Variants in WLS observed in about 807,000 individuals in gnomAD.
The protein encoded by WLS is protein wntless homolog.
WLS carries 23 observed loss-of-function variants against 62.8 expected under a neutral mutation model. The ratio of observed to expected loss-of-function variants is 0.37; its 90% CI spans 0.26 to 0.52. The LOEUF (loss-of-function observed/expected upper bound fraction) is 0.52, where lower values mean the gene tolerates loss of function less well. Among genes scored for constraint, WLS ranks in the 20% least tolerant of loss-of-function variants. WLS has a pLI of 0.92. For missense variants in WLS, 615 were observed against 697.3 expected (o/e 0.88, Z 1.33); for synonymous variants, 246 against 244.1 (o/e 1.01, Z -0.07).
intron 1 of WLS, among the ~76,000 whole-genome samples, chr1:68,206,295 T>A (rs1249528639): frequency 1.3e-5 from 2 of 152,224 alleles, no homozygotes; most frequent in Non-Finnish European, 2.9e-5. Flanking sequence ...AATATGTGAA[T>A]GACTAAATGT....
intron 2 of WLS, among the ~76,000 whole-genome samples, chr1:68,185,498 T>G (rs1396681555): frequency 6.6e-6 from 1 of 152,120 alleles, no homozygotes; most frequent in African/African-American, 2.4e-5. Context: ...TGAGCAAGTA[T>G]TATAGCCTGA....
At chr1:68,159,100 G>T (rs1337544652) in intron 3 of WLS, 23 bp downstream of exon 3, 1 of 1,612,288 alleles carries the variant, frequency 6.2e-7, no homozygotes, top group Non-Finnish European at 8.5e-7. Flanking sequence ...AAAACTGTCA[G>T]CTTAGACAGC....
chr1:68,109,612 G>GT (rs1557445328), intron 11 of WLS, among the ~76,000 whole-genome samples: 2 of 152,162 alleles, frequency 1.3e-5, no homozygotes, highest in Non-Finnish European at 2.9e-5. Flanking sequence ...AATGAAAAAT[G>GT]TTATTAAAAC....
intron 1 of WLS, among the ~76,000 whole-genome samples, chr1:68,214,047 A>G (rs1649630721): frequency 6.6e-6 from 1 of 152,232 alleles, no homozygotes; most frequent in Non-Finnish European, 1.5e-5. Flanking sequence ...GTTGCCATCC[A>G]TTTCACACAG....
chr1:68,145,559 G>T (rs537736270), intron 9 of WLS, among the ~76,000 whole-genome samples: 2 of 152,036 alleles, frequency 1.3e-5, no homozygotes, highest in African/African-American at 4.8e-5. Context: ...TCCCAATTAT[G>T]CCATAGTCCA....
downstream of WLS, among the ~76,000 whole-genome samples, chr1:68,121,611 G>A (rs1646364645): frequency 1.3e-5 from 2 of 152,280 alleles, no homozygotes; most frequent in South Asian, 2.1e-4. Context: ...GAAGTCAGAT[G>A]GTTCCCGGAG....
intron 2 of WLS, among the ~76,000 whole-genome samples, chr1:68,174,975 G>A (rs1294522311): frequency 6.6e-6 from 1 of 152,100 alleles, no homozygotes; most frequent in South Asian, 2.1e-4. Flanking sequence ...TATATGGAGG[G>A]ACAACTGGGA....
chr1:68,126,327 C>G lies in WLS; in HGVS notation c.1525G>C (p.Gly509Arg). 1 of 1,614,006 alleles carries G rather than the reference C, an allele frequency of 6.2e-7. No individual in the cohort carries two copies. ...TGGAGTTCTTCCCCACTATGGACACCCAGATCGCCTGAAACAGGGTTTTCG... is the reference window on the plus strand; with the variant it reads ...TGGAGTTCTTCCCCACTATGGACACGCAGATCGCCTGAAACAGGGTTTTCG... ...YGEDQSNGDL[G>R]VHSGEELQLT... The change falls in exon 12 of 12, where the codon GGT becomes CGT. Residue 509 changes from glycine to arginine, a missense_variant. Coordinates refer to ENST00000262348, the MANE Select transcript of WLS (RefSeq NM_024911.7).
At chr1:68,112,413 TC>T (rs1214538390) in intron 11 of WLS, among the ~76,000 whole-genome samples, 2 of 152,176 alleles carry the variant, frequency 1.3e-5, no homozygotes, top group Admixed American at 6.5e-5. Context: ...ACGCTCTAGT[TC>T]TAAAGAATGG....
intron 10 of WLS, among the ~76,000 whole-genome samples, chr1:68,143,502 G>C (rs1646714025): frequency 6.6e-6 from 1 of 152,208 alleles, no homozygotes; most frequent in Admixed American, 6.5e-5. Flanking sequence ...GGTCCTGTAA[G>C]ATTATAATAT....
Position 68,194,183 on chromosome 1 carries a change from C to G in WLS, c.151G>C (p.Val51Leu). Reference protein sequence around the residue: ...TAVSYMSVKCVDARKNHHKTK... With the variant: ...TAVSYMSVKCLDARKNHHKTK... ...TTGTGATGGTTCTTACGGGCATCCACACATTTCACCGACATGTAGGACACT... is the reference window on the plus strand; with the variant it reads ...TTGTGATGGTTCTTACGGGCATCCAGACATTTCACCGACATGTAGGACACT... Residue 51 changes from valine to leucine, a missense_variant, in exon 2 of 12, where the codon GTG becomes CTG. Coordinates refer to ENST00000262348, the MANE Select transcript of WLS (RefSeq NM_024911.7). 1.9e-6 allele frequency: 3 copies of G among 1,614,218 alleles called. No individual in the cohort carries two copies. The East Asian group carries it at 6.7e-5, about 36-fold the overall frequency.
At chr1:68,213,966 G>T (rs1649626479) in intron 1 of WLS, among the ~76,000 whole-genome samples, 1 of 152,100 alleles carries the variant, frequency 6.6e-6, no homozygotes. Context: ...CAGCACTACT[G>T]CTCGGCTTGG....
chr1:68,128,635 A>G (rs1205231310), intron 11 of WLS, among the ~76,000 whole-genome samples: 1 of 152,236 alleles, frequency 6.6e-6, no homozygotes, highest in Non-Finnish European at 1.5e-5. Context: ...AGATCTTAGA[A>G]TATGCATATG....
intron 1 of WLS, among the ~76,000 whole-genome samples, chr1:68,227,631 C>A (rs1026845302): frequency 6.6e-6 from 1 of 151,848 alleles, no homozygotes; most frequent in Non-Finnish European, 1.5e-5. Flanking sequence ...CTCCTACAAA[C>A]CACATTAGAT....
intron 2 of WLS, among the ~76,000 whole-genome samples, chr1:68,170,173 T>C (rs2820495): frequency 1.3e-4 from 11 of 84,632 alleles, no homozygotes; most frequent in Non-Finnish European, 2.5e-4. Context: ...TTTTTTTTTT[T>C]TTTTTTTTTG....
chr1:68,127,509 A>C (rs778617880), intron 11 of WLS, among the ~76,000 whole-genome samples: 4 of 152,220 alleles, frequency 2.6e-5, no homozygotes, highest in Non-Finnish European at 4.4e-5. Flanking sequence ...GCTACCTGCC[A>C]TAAGACAAGT....
chr1:68,223,220 T>C (rs1650010881), intron 1 of WLS, among the ~76,000 whole-genome samples: 1 of 152,170 alleles, frequency 6.6e-6, no homozygotes, highest in Non-Finnish European at 1.5e-5. Context: ...GGGAGTAAAA[T>C]GTGCATGCTT....
chr1:68,190,098 C>A (rs1222909969), intron 2 of WLS, among the ~76,000 whole-genome samples: 1 of 151,708 alleles, frequency 6.6e-6, no homozygotes, highest in Non-Finnish European at 1.5e-5. Context: ...GTTAATTAGG[C>A]ATTATTATCC....
chr1:68,193,034 G>A (rs1339575618), intron 2 of WLS, among the ~76,000 whole-genome samples: 8 of 151,162 alleles, frequency 5.3e-5, no homozygotes, highest in Admixed American at 2.0e-4. Context: ...ACTTGAACGC[G>A]GGAGGCGGAG....
Sources: allele counts gnomAD v4.1 joint callset (sites outside exome capture counted in the v4.1 genomes callset), GRCh38; gene constraint gnomAD v4.1.1; transcripts MANE v1.5; gene names NCBI Gene and HGNC (gene_info 2026-07-23, HGNC 2026-07-21).